The following FAT3 variants were observed in gnomAD, a reference collection of about 807,000 sequenced individuals.
The protein encoded by FAT3 is protocadherin Fat 3.
Under a neutral mutation model 310.2 loss-of-function variants are expected in FAT3, and 95 were observed. The ratio of observed to expected loss-of-function variants is 0.31; its 90% confidence interval spans 0.26 to 0.36. The LOEUF (loss-of-function observed/expected upper bound fraction) is 0.36, where lower values mean the gene tolerates loss of function less well. FAT3 is among the 10% of genes least tolerant of loss of function. The probability of loss-of-function intolerance (pLI) is 1.00; values close to 1 mark genes in which losing one functional copy is unlikely to be tolerated. For synonymous variants in FAT3, 2,314 were observed against 2,192.9 expected (o/e 1.06, Z -1.54); for missense variants, 5,408 against 5,715.6 (o/e 0.95, Z 1.74).
At chr11:92,536,948 C>T (rs1299883861) in intron 3 of FAT3, among the ~76,000 whole-genome samples, 1 of 152,140 alleles carries the variant, frequency 6.6e-6, no homozygotes, top group Non-Finnish European at 1.5e-5. Context: ...GACCCTATCA[C>T]TATTATTAAC....
chr11:92,339,490 G>A (rs915869574), intron 1 of FAT3, among the ~76,000 whole-genome samples: 3 of 152,270 alleles, frequency 2.0e-5, no homozygotes, highest in African/African-American at 4.8e-5. Context: ...TTCTTCGTTC[G>A]GTTTATAGTC....
Position 92,352,726 on chromosome 11 carries a change from C to T in FAT3, c.614C>T (p.Ser205Leu). 1.2e-6 allele frequency: 2 copies of T among 1,613,812 alleles called. No individual in the cohort carries two copies. The highest frequency in any genetic ancestry group is 1.7e-6 in the Non-Finnish European group (2 of 1,179,872). ...YYFKNKVDLF[S>L]VHPTSGVISL... is the part of the protein sequence containing the mutation. The stretch of plus-strand genomic sequence containing the variant: ...TTTAAAAATAAAGTTGATCTCTTTT[C>T]AGTTCACCCCACGAGTGGTGTCATC... Residue 205 changes from serine (S) to leucine (L), a missense_variant, in exon 2 of 28, where the codon TCA becomes TTA. Ser to Leu is a moderately radical substitution (Grantham distance 145). Around this residue, in one of 5 missense-constraint regions of FAT3, gnomAD observed 4,588 missense variants for 4,809.8 expected, o/e 0.95. Coordinates refer to ENST00000525166, the MANE Select transcript of FAT3 (RefSeq NM_001367949.2).
At chr11:92,668,646 C>T (rs972023387) in intron 3 of FAT3, among the ~76,000 whole-genome samples, 13 of 152,152 alleles carry the variant, frequency 8.5e-5, no homozygotes, top group African/African-American at 3.1e-4. Context: ...AAAATAATAC[C>T]TTCCTGCAGG....
chr11:92,353,348 T>C lies in FAT3; in HGVS notation c.1236T>C (p.Ser412=). 2.5e-6 allele frequency: 4 copies of C among 1,613,582 alleles called. No homozygotes were observed. Among genetic ancestry groups the C allele is most frequent in the Non-Finnish European group, 3.4e-6 (4 of 1,179,798 alleles). The change falls in exon 2 of 28, where the codon TCT becomes TCC. Residue 412 remains serine (S), a synonymous_variant. Transcript: ENST00000525166. ...CGATAGATGTGGAATACAAATTATC[T>C]CCTGGTGAGGATGCAGTGTACTTTA... ...PEPIDVEYKL[S]PGEDAVYFKI... is the part of the protein sequence containing the mutation.
intron 1 of FAT3, among the ~76,000 whole-genome samples, chr11:92,270,981 A>G (rs1272180708): frequency 6.6e-6 from 1 of 152,000 alleles, no homozygotes; most frequent in Non-Finnish European, 1.5e-5. Context: ...TTGACTTCCA[A>G]AATATATCCC....
Position 92,225,193 on chromosome 11 carries a change from C to T in FAT3, c.-18+19C>T, listed in dbSNP as rs2134210011. ...GGCAAGGGTGCGTGGGGATTTGTAG[C>T]GTGATGATTTGGCTGCCTGGTGCAC... On this transcript the variant is annotated intron_variant, in intron 1 of 27. Coordinates refer to ENST00000525166, the MANE Select transcript of FAT3 (RefSeq NM_001367949.2). Among the ~76,000 whole-genome samples the T allele has an allele frequency of 6.6e-6, 1 of 152,262 alleles. No individual in the cohort carries two copies. Among genetic ancestry groups the T allele is most frequent in the Middle Eastern group, 3.4e-3 (1 of 294 alleles).
At chr11:92,339,316 GC>G (rs1948177498) in intron 1 of FAT3, among the ~76,000 whole-genome samples, 1 of 152,114 alleles carries the variant, frequency 6.6e-6, no homozygotes. Flanking sequence ...GGTCAAAATT[GC>G]CCCTTACTCT....
In FAT3 at chr11:92,892,333, G is replaced by A. The variant is rs1261387325; in HGVS notation, c.*1220G>A. 6.6e-6 allele frequency: 1 copy of A among 151,854 alleles called. No individual in the cohort carries two copies. The highest frequency in any genetic ancestry group is 1.5e-5 in the Non-Finnish European group (1 of 68,010). The allele number at this position is 151,854 out of a possible 1,614,324, so 9.4% of individuals were successfully genotyped here. ...TTTCAATTTCTCTGATCTCTATGGTGTTAGAGAAACATCAAATGCCATATT... is the reference window on the plus strand; with the variant it reads ...TTTCAATTTCTCTGATCTCTATGGTATTAGAGAAACATCAAATGCCATATT... On this transcript the variant is annotated 3_prime_UTR_variant, in exon 28 of 28. Transcript: ENST00000525166.
intron 1 of FAT3, among the ~76,000 whole-genome samples, chr11:92,272,811 G>A (rs1460945211): frequency 1.3e-5 from 2 of 152,096 alleles, no homozygotes; most frequent in African/African-American, 4.8e-5. Flanking sequence ...TATTGCCAAG[G>A]AAGCTTGCTA....
intron 3 of FAT3, among the ~76,000 whole-genome samples, chr11:92,661,363 C>A (rs1942773764): frequency 6.6e-6 from 1 of 152,202 alleles, no homozygotes; most frequent in African/African-American, 2.4e-5. Context: ...TGAACCCTGG[C>A]AGTCATCCAT....
At chr11:92,611,253 A>G (rs1365622859) in intron 3 of FAT3, among the ~76,000 whole-genome samples, 1 of 151,988 alleles carries the variant, frequency 6.6e-6, no homozygotes, top group Non-Finnish European at 1.5e-5. Context: ...CCTCCTGAGT[A>G]CCTGGGACTG....
Position 92,882,958 on chromosome 11 carries a change from C to CTGG in FAT3, c.12507_12509dup (p.Val4170dup). On this transcript the variant is annotated inframe_insertion, in exon 24 of 28. Coordinates refer to ENST00000525166, the MANE Select transcript of FAT3 (RefSeq NM_001367949.2). Reference sequence around the variant, plus strand: ...CGTGGTCCTCTTCGTCATCTTCATCCTGGTGGTTCTCTTCATAGTCTTCCG... The same window carrying CTGG: ...CGTGGTCCTCTTCGTCATCTTCATCCTGGTGGTGGTTCTCTTCATAGTCTTCCG... 1 of 1,613,836 alleles carries CTGG rather than the reference C, an allele frequency of 6.2e-7. No homozygotes were observed. Among genetic ancestry groups the CTGG allele is most frequent in the Non-Finnish European group, 8.5e-7 (1 of 1,179,810 alleles).
chr11:92,320,827 G>A (rs1362873887), intron 1 of FAT3, among the ~76,000 whole-genome samples: 6 of 148,632 alleles, frequency 4.0e-5, no homozygotes, highest in East Asian at 2.0e-4. Context: ...CTGAGATTGC[G>A]CCATTGCACT....
chr11:92,301,261 G>T (rs1946990346), intron 1 of FAT3, among the ~76,000 whole-genome samples: 1 of 152,136 alleles, frequency 6.6e-6, no homozygotes, highest in Non-Finnish European at 1.5e-5. Flanking sequence ...TCCAAATGTA[G>T]TAAGGACATA....
intron 1 of FAT3, among the ~76,000 whole-genome samples, chr11:92,257,959 A>G (rs536713225): frequency 6.6e-6 from 1 of 152,216 alleles, no homozygotes; most frequent in East Asian, 1.9e-4. Flanking sequence ...GGATTCCCCT[A>G]TCTTGCTTGG....
intron 1 of FAT3, among the ~76,000 whole-genome samples, chr11:92,315,447 GTA>G (rs1332436082): frequency 8.5e-5 from 12 of 141,250 alleles, no homozygotes; most frequent in South Asian, 2.3e-4. Flanking sequence ...GTGTGTGTGT[GTA>G]TATATATGTG....
chr11:92,313,957 G>A lies in FAT3; in HGVS notation c.-17-38139G>A, dbSNP rs143133588. 1.5e-3 allele frequency among the ~76,000 whole-genome samples: 229 copies of A among 152,334 alleles called. 1 individual carries two copies. The highest frequency in any genetic ancestry group is 5.2e-3 in the African/African-American group (217 of 41,564). ...ACATACATTCTACTGGAGCAGAACT[G>A]ACTGTATGGATTTTGATATGATAAA... On this transcript the variant is annotated intron_variant, in intron 1 of 27. Coordinates refer to ENST00000525166, the MANE Select transcript of FAT3 (RefSeq NM_001367949.2).
intron 5 of FAT3, 124 bp from the exon 6 acceptor site, chr11:92,764,755 T>G (rs1946259130): frequency 1.2e-6 from 1 of 861,036 alleles, no homozygotes; most frequent in African/African-American, 1.7e-5. Flanking sequence ...CCTCTGCTCC[T>G]TTCTTCCCCT....
intron 1 of FAT3, among the ~76,000 whole-genome samples, chr11:92,232,001 G>A (rs1864203219): frequency 6.6e-6 from 1 of 152,038 alleles, no homozygotes; most frequent in South Asian, 2.1e-4. Context: ...TTTTGATTGT[G>A]GTTTGAAATT....
Sources: gnomAD v4.1 joint callset for allele counts (sites outside exome capture counted in the v4.1 genomes callset) on GRCh38, gnomAD v4.1.1 for gene constraint, gnomAD v4.1.1 regional missense constraint, MANE v1.5 for transcripts, NCBI Gene and HGNC (gene_info 2026-07-23, HGNC 2026-07-21) for gene names.